The following GNG7 variants were observed in gnomAD, a reference collection of about 807,000 sequenced individuals.
The protein encoded by GNG7 is guanine nucleotide-binding protein G(I)/G(S)/G(O) subunit gamma-7.
In GNG7, 1 loss-of-function variant was observed where a neutral mutation model predicts 4.0. That is an observed-to-expected ratio of 0.25 (90% CI 0.09 to 1.18). The LOEUF (loss-of-function observed/expected upper bound fraction) is 1.18. Among genes scored for constraint, GNG7 ranks in the 50% most tolerant of loss-of-function variants. The pLI, the probability that GNG7 is intolerant of heterozygous loss-of-function variation, is 0.50. For missense variants in GNG7, 86 were observed against 91.9 expected (o/e 0.94, Z 0.26); for synonymous variants, 34 against 36.9 (o/e 0.92, Z 0.29).
chr19:2,637,191 T>G (rs1982334159), intron 2 of GNG7, among the ~76,000 whole-genome samples: 2 of 144,822 alleles, frequency 1.4e-5, no homozygotes, highest in Non-Finnish European at 1.5e-5. Flanking sequence ...AAATCGAGCT[T>G]CAGAGGCCCC....
intron 1 of GNG7, among the ~76,000 whole-genome samples, chr19:2,650,449 G>A (rs1286655647): frequency 6.6e-6 from 1 of 152,006 alleles, no homozygotes; most frequent in Non-Finnish European, 1.5e-5. Context: ...TTGGCCTCCC[G>A]AAGTTGTTGG....
intron 2 of GNG7, among the ~76,000 whole-genome samples, chr19:2,592,213 T>G (rs374638268): frequency 6.6e-6 from 1 of 152,076 alleles, no homozygotes; most frequent in Non-Finnish European, 1.5e-5. Context: ...CTCTGGCATA[T>G]CCATACACAA....
intron 1 of GNG7, among the ~76,000 whole-genome samples, chr19:2,681,959 G>C (rs755253028): frequency 3.9e-5 from 6 of 152,122 alleles, no homozygotes; most frequent in Admixed American, 2.0e-4. Flanking sequence ...GCCCAGGCTG[G>C]AGTGCAGTGG....
intron 2 of GNG7, among the ~76,000 whole-genome samples, chr19:2,620,378 G>T (rs1981837626): frequency 6.6e-6 from 1 of 151,752 alleles, no homozygotes; most frequent in African/African-American, 2.4e-5. Flanking sequence ...ACAAACCTCT[G>T]TCCTGATCCC....
intron 1 of GNG7, among the ~76,000 whole-genome samples, chr19:2,697,484 G>A (rs16991293): frequency 0.023 from 3,572 of 152,160 alleles, 67 homozygotes; most frequent in Non-Finnish European, 0.035. Flanking sequence ...CACACTCATC[G>A]GTAGGGTCTC....
At chr19:2,625,404 A>AG (rs759703676) in intron 2 of GNG7, among the ~76,000 whole-genome samples, 6 of 151,980 alleles carry the variant, frequency 3.9e-5, no homozygotes, top group Non-Finnish European at 7.4e-5. Context: ...GCAGAAATAG[A>AG]GGGGGGTCTC....
At chr19:2,625,004 T>C (rs1981981194) in intron 2 of GNG7, among the ~76,000 whole-genome samples, 1 of 152,218 alleles carries the variant, frequency 6.6e-6, no homozygotes, top group South Asian at 2.1e-4. Flanking sequence ...TGGACGCCTG[T>C]GGTTTACCTC....
intron 2 of GNG7, among the ~76,000 whole-genome samples, chr19:2,594,137 A>T (rs940244096): frequency 2.0e-5 from 3 of 151,900 alleles, no homozygotes; most frequent in Non-Finnish European, 4.4e-5. Flanking sequence ...TTGGGAGGCC[A>T]AGACGGGCGG....
intron 3 of GNG7, among the ~76,000 whole-genome samples, chr19:2,551,617 A>G (rs1401009772): frequency 1.4e-5 from 2 of 147,642 alleles, no homozygotes; most frequent in Admixed American, 1.4e-4. Flanking sequence ...ACAAATATAT[A>G]TTTATAAATA....
intron 3 of GNG7, among the ~76,000 whole-genome samples, chr19:2,541,987 A>G (rs1978975879): frequency 6.6e-6 from 1 of 151,744 alleles, no homozygotes; most frequent in African/African-American, 2.4e-5. Context: ...GTGCTTCTGT[A>G]CCCAGTGCTG....
chr19:2,621,517 GA>G (rs1326698354), intron 2 of GNG7, among the ~76,000 whole-genome samples: 1 of 151,948 alleles, frequency 6.6e-6, no homozygotes, highest in East Asian at 1.9e-4. Context: ...GACCAACATG[GA>G]CAAACCTCAT....
At chr19:2,636,952 G>A (rs991770174) in intron 2 of GNG7, among the ~76,000 whole-genome samples, 3 of 150,612 alleles carry the variant, frequency 2.0e-5, no homozygotes, top group Admixed American at 2.0e-4. Flanking sequence ...CCCCACTTGT[G>A]CCCACCTGCG....
chr19:2,540,698 G>A (rs1245275452), intron 3 of GNG7, among the ~76,000 whole-genome samples: 2 of 152,144 alleles, frequency 1.3e-5, no homozygotes, highest in African/African-American at 2.4e-5. Flanking sequence ...AGCAGACAGC[G>A]AGGCCCGCCG....
At chr19:2,571,690 G>A (rs577823694) in intron 2 of GNG7, among the ~76,000 whole-genome samples, 1 of 142,678 alleles carries the variant, frequency 7.0e-6, no homozygotes, top group South Asian at 2.3e-4. Context: ...CTGCCTCCCG[G>A]GGTTAAGTGA....
chr19:2,550,212 C>T (rs112950208), intron 3 of GNG7, among the ~76,000 whole-genome samples: 186 of 152,208 alleles, frequency 1.2e-3, no homozygotes, highest in African/African-American at 4.2e-3. Context: ...GCCCCCGTGG[C>T]GACCCTCCTT....
intron 3 of GNG7, among the ~76,000 whole-genome samples, chr19:2,541,690 C>T (rs186826733): frequency 1.8e-3 from 260 of 146,748 alleles, no homozygotes; most frequent in African/African-American, 6.2e-3. Context: ...TGCAGTGAGC[C>T]GAGATCACGC....
At chr19:2,624,186 A>G (rs1013464869) in intron 2 of GNG7, among the ~76,000 whole-genome samples, 3 of 152,104 alleles carry the variant, frequency 2.0e-5, no homozygotes, top group Non-Finnish European at 2.9e-5. Flanking sequence ...GCCCTTAGAA[A>G]TGGCTAAGAT....
Position 2,511,718 on chromosome 19 carries a change from G to T in GNG7, c.*3304C>A. The T allele has an allele frequency of 2.4e-6, 2 of 819,824 alleles. No homozygotes were observed. The highest frequency in any genetic ancestry group is 2.9e-6 in the Non-Finnish European group (2 of 678,532). 50.8% of individuals were successfully genotyped at this position (819,824 alleles called of 1,614,324 possible). On this transcript the variant is annotated 3_prime_UTR_variant, in exon 5 of 5. Transcript: ENST00000382159. The surrounding 1 kb of genome is among the most constrained non-coding windows in gnomAD (Gnocchi z 6.3). ...CGTTGCGCCTCGGACACGGTGGCCG[G>T]CCCGTCAAAGGGACCACGCAGAAGG...
rs59658349 is a variant in GNG7, at chr19:2,593,928, C to CAA, written c.-77-38742_-77-38741dup. The stretch of plus-strand genomic sequence containing the variant: ...AGAGGCAGGCCGAAATATTTGATGC[C>CAA]AAAAAAAAAAAAAAACTTTCTTACC... On this transcript the variant is annotated intron_variant, in intron 2 of 4. Coordinates refer to ENST00000382159, the MANE Select transcript of GNG7 (RefSeq NM_052847.3). Among the ~76,000 whole-genome samples, 175 of 134,570 alleles carry CAA rather than the reference C, an allele frequency of 1.3e-3. 5 individuals carry two copies. The highest frequency in any genetic ancestry group is 2.5e-3 in the African/African-American group (90 of 36,084). The allele number at this position is 134,570 out of a possible 152,430, so 88.3% of individuals were successfully genotyped here. A position where few individuals can be genotyped will look rare whatever the true frequency, so the allele number is the denominator to read the frequency against.
Sources: gnomAD v4.1 joint callset for allele counts (sites outside exome capture counted in the v4.1 genomes callset) on GRCh38, gnomAD v4.1.1 for gene constraint, Gnocchi (gnomAD v3.1) non-coding constraint, MANE v1.5 for transcripts, NCBI Gene and HGNC (gene_info 2026-07-23, HGNC 2026-07-21) for gene names.